Variants in UVRAG observed in about 807,000 individuals in gnomAD.
UVRAG encodes UV radiation resistance associated.
UVRAG carries 19 observed loss-of-function variants against 78.0 expected under a neutral mutation model. The ratio of observed to expected loss-of-function variants is 0.24; its 90% confidence interval spans 0.17 to 0.36. UVRAG has a LOEUF of 0.36. UVRAG is among the 10% of genes least tolerant of loss of function. The pLI is 1.00. For synonymous variants in UVRAG, 323 were observed against 324.6 expected (o/e 1.00, Z 0.05); for missense variants, 740 against 853.8 (o/e 0.87, Z 1.66).
intron 10 of UVRAG, among the ~76,000 whole-genome samples, chr11:76,007,931 G>A (rs1051983493): frequency 3.3e-5 from 5 of 149,958 alleles, no homozygotes. Flanking sequence ...TTTTTGAGAC[G>A]GAGTTTCGCT....
chr11:75,877,038 G>A (rs368038522), intron 3 of UVRAG, among the ~76,000 whole-genome samples: 1 of 151,016 alleles, frequency 6.6e-6, no homozygotes, highest in African/African-American at 2.5e-5. Flanking sequence ...AGATTAGGGA[G>A]TGGTGATGAC....
At chr11:75,985,132 A>C (rs544350665) in intron 8 of UVRAG, among the ~76,000 whole-genome samples, 2 of 147,256 alleles carry the variant, frequency 1.4e-5, no homozygotes, top group Admixed American at 1.3e-4. Flanking sequence ...TCCTTCCTAC[A>C]TCCTTGTCAG....
chr11:76,030,649 AT>A (rs990223622), intron 12 of UVRAG, among the ~76,000 whole-genome samples: 17 of 152,094 alleles, frequency 1.1e-4, no homozygotes, highest in African/African-American at 3.9e-4. Context: ...ACATCACAGT[AT>A]TTCCTACCTT....
chr11:75,876,510 G>GATAC (rs1427729942), intron 3 of UVRAG, among the ~76,000 whole-genome samples: 1 of 152,218 alleles, frequency 6.6e-6, no homozygotes, highest in Non-Finnish European at 1.5e-5. Flanking sequence ...GTTATAGTGA[G>GATAC]ATACAGACTG....
At chr11:76,004,954 G>A (rs1030019504) in intron 9 of UVRAG, among the ~76,000 whole-genome samples, 1 of 152,020 alleles carries the variant, frequency 6.6e-6, no homozygotes, top group African/African-American at 2.4e-5. Context: ...TAATTCGTTG[G>A]TACCTCTGTT....
chr11:75,847,755 G>T (rs528596679), intron 1 of UVRAG, among the ~76,000 whole-genome samples: 1 of 150,862 alleles, frequency 6.6e-6, no homozygotes, highest in Admixed American at 6.6e-5. Flanking sequence ...GGCGGATCAC[G>T]AGGTCAGGAG....
intron 13 of UVRAG, 105 bp downstream of exon 13, chr11:76,065,893 A>G (rs921854538): frequency 3.1e-6 from 3 of 983,320 alleles, no homozygotes; most frequent in Non-Finnish European, 4.6e-6. Flanking sequence ...TGACCCTCGC[A>G]TTTAACCAGT....
At chr11:75,819,229 C>A (rs1285079782) in intron 1 of UVRAG, among the ~76,000 whole-genome samples, 1 of 152,226 alleles carries the variant, frequency 6.6e-6, no homozygotes, top group East Asian at 1.9e-4. Context: ...TCCATATCAG[C>A]CCCTTGACTG....
At chr11:76,082,559 A>AG (rs1554988348) in intron 13 of UVRAG, among the ~76,000 whole-genome samples, 1 of 150,710 alleles carries the variant, frequency 6.6e-6, no homozygotes, top group South Asian at 2.1e-4. Context: ...AAAAAAAAAA[A>AG]CATAGGTAAC....
chr11:75,949,876 T>G (rs1948657596), intron 6 of UVRAG, among the ~76,000 whole-genome samples: 1 of 152,062 alleles, frequency 6.6e-6, no homozygotes, highest in African/African-American at 2.4e-5. Context: ...GTATTTTCAT[T>G]ATCCAGAATG....
intron 14 of UVRAG, among the ~76,000 whole-genome samples, chr11:76,125,580 T>C (rs1952370883): frequency 6.6e-6 from 1 of 152,188 alleles, no homozygotes. Context: ...ACATCCTTTG[T>C]GCACTAACCC....
intron 1 of UVRAG, among the ~76,000 whole-genome samples, chr11:75,823,543 C>T (rs1479424233): frequency 6.6e-6 from 1 of 152,160 alleles, no homozygotes; most frequent in Non-Finnish European, 1.5e-5. Context: ...CTATATTGCC[C>T]AGGCTGGTCT....
intron 12 of UVRAG, among the ~76,000 whole-genome samples, chr11:76,047,836 A>G (rs982332578): frequency 3.9e-5 from 6 of 152,226 alleles, no homozygotes; most frequent in African/African-American, 1.2e-4. Context: ...GCAAGTCATT[A>G]TGGTGTGTGT....
At chr11:75,946,740 A>T (rs1948595684) in intron 6 of UVRAG, among the ~76,000 whole-genome samples, 1 of 152,194 alleles carries the variant, frequency 6.6e-6, no homozygotes, top group Non-Finnish European at 1.5e-5. Context: ...GTTTCTTGCC[A>T]TGTGGCCCAC....
At chr11:75,829,288 T>C (rs189764139) in intron 1 of UVRAG, among the ~76,000 whole-genome samples, 151 of 152,286 alleles carry the variant, frequency 9.9e-4, no homozygotes, top group African/African-American at 3.4e-3. Context: ...TTTAATATTA[T>C]ACAACTACCC....
At chr11:75,848,172 G>C (rs894485434) in intron 1 of UVRAG, among the ~76,000 whole-genome samples, 9 of 151,642 alleles carry the variant, frequency 5.9e-5, no homozygotes, top group African/African-American at 2.2e-4. Context: ...ACTCCAGCCT[G>C]GGGGACAGAG....
intron 8 of UVRAG, among the ~76,000 whole-genome samples, chr11:75,987,394 A>G (rs2135287881): frequency 6.6e-6 from 1 of 152,354 alleles, no homozygotes; most frequent in Admixed American, 6.5e-5. Context: ...TTTTATATCC[A>G]AGGAACTTAT....
At chr11:75,964,793 G>C (rs1000009478) in intron 7 of UVRAG, among the ~76,000 whole-genome samples, 56 of 152,132 alleles carry the variant, frequency 3.7e-4, no homozygotes, top group African/African-American at 1.3e-3. Context: ...TTTGTATCAC[G>C]TACGTAAGGG....
intron 6 of UVRAG, among the ~76,000 whole-genome samples, chr11:75,920,082 A>G (rs946495853): frequency 3.4e-5 from 4 of 116,250 alleles, no homozygotes; most frequent in South Asian, 2.9e-4. Context: ...CTGGAGTGCA[A>G]TGGTGTGATT....
Sources: allele counts gnomAD v4.1 joint callset (sites outside exome capture counted in the v4.1 genomes callset), GRCh38; gene constraint gnomAD v4.1.1; transcripts MANE v1.5; gene names NCBI Gene and HGNC (gene_info 2026-07-23, HGNC 2026-07-21).